Variants in AIDA observed in about 807,000 individuals in gnomAD.
The protein encoded by AIDA is axin interactor, dorsalization associated, also known as axin interactor, dorsalization-associated protein.
AIDA carries 18 observed loss-of-function variants against 42.7 expected under a neutral mutation model. The observed-to-expected ratio is 0.42, with a 90% CI of 0.29 to 0.63. AIDA has a LOEUF of 0.63. Among genes scored for constraint, AIDA ranks in the 20% least tolerant of loss-of-function variants. The probability of loss-of-function intolerance (pLI) is 0.19; values close to 1 mark genes in which losing one functional copy is unlikely to be tolerated. For missense variants in AIDA, 250 were observed against 354.1 expected (o/e 0.71, Z 2.36); for synonymous variants, 104 against 122.9 (o/e 0.85, Z 1.02).
intron 2 of AIDA, among the ~76,000 whole-genome samples, chr1:222,695,662 A>G (rs1175683398): frequency 6.8e-6 from 1 of 147,830 alleles, no homozygotes; most frequent in Non-Finnish European, 1.5e-5. Flanking sequence ...TAAGAAACAT[A>G]TATCAGGGCA....
chr1:222,710,798 C>G lies in AIDA; in HGVS notation c.110+1410G>C, dbSNP rs549381306. On this transcript the variant is annotated intron_variant, in intron 1 of 9. Transcript: ENST00000340020. ...CTGTTTAACCTGAGCTTCAGTTTTC[C>G]TCATTTCGTAAAATGAGAATAATTA... 2.3e-4 allele frequency among the ~76,000 whole-genome samples: 35 copies of G among 152,248 alleles called. No individual in the cohort carries two copies. The South Asian group carries it at 4.4e-3, about 19-fold the overall frequency.
At chr1:222,685,701 G>C (rs896998347) in intron 6 of AIDA, among the ~76,000 whole-genome samples, 1 of 152,142 alleles carries the variant, frequency 6.6e-6, no homozygotes, top group African/African-American at 2.4e-5. Flanking sequence ...CAGGGTGCTT[G>C]CCAAGGTTAT....
rs77767761 is a variant in AIDA, at chr1:222,672,275, C to G, written c.706+1038G>C. 1.5e-3 allele frequency among the ~76,000 whole-genome samples: 226 copies of G among 152,228 alleles called. 6 individuals are homozygous for G. The South Asian group carries it at 0.021, about 14-fold the overall frequency. On this transcript the variant is annotated intron_variant, in intron 8 of 9. Transcript: ENST00000340020. ...TAGAAAAGTTAGCCCATGAAACACTCCACCTTCTCCCGTCCACATCACAAA... is the reference window on the plus strand; with the variant it reads ...TAGAAAAGTTAGCCCATGAAACACTGCACCTTCTCCCGTCCACATCACAAA...
intron 6 of AIDA, among the ~76,000 whole-genome samples, chr1:222,682,088 G>A (rs1057501965): frequency 1.3e-5 from 2 of 152,228 alleles, no homozygotes; most frequent in Non-Finnish European, 2.9e-5. Context: ...GGGACTTGAA[G>A]TCAGTGAAAT....
At chr1:222,675,457 G>GA (rs772517045) in intron 7 of AIDA, among the ~76,000 whole-genome samples, 1 of 152,116 alleles carries the variant, frequency 6.6e-6, no homozygotes, top group African/African-American at 2.4e-5. Flanking sequence ...CTGGATAGGA[G>GA]AAAAAAACCA....
chr1:222,687,803 G>A, intron 4 of AIDA, 145 bp from the exon 5 acceptor site: 1 of 592,994 alleles, frequency 1.7e-6, no homozygotes, highest in Non-Finnish European at 2.6e-6. Flanking sequence ...GAGCTACACA[G>A]TACATTTGTC....
chr1:222,684,387 C>T (rs575532415), intron 6 of AIDA, among the ~76,000 whole-genome samples: 3 of 152,178 alleles, frequency 2.0e-5, no homozygotes, highest in Admixed American at 2.0e-4. Context: ...CTTGGAATTA[C>T]AGGCATGAGC....
At chr1:222,670,624 T>C (rs1207687445) in intron 8 of AIDA, among the ~76,000 whole-genome samples, 1 of 152,096 alleles carries the variant, frequency 6.6e-6, no homozygotes, top group Admixed American at 6.5e-5. Flanking sequence ...AGGTAGAAAA[T>C]GCATTTAAAA....
chr1:222,684,637 C>T (rs964978301), intron 6 of AIDA, among the ~76,000 whole-genome samples: 2 of 152,186 alleles, frequency 1.3e-5, no homozygotes, highest in African/African-American at 2.4e-5. Flanking sequence ...CATACATACT[C>T]TTTCTTTTAG....
At position 222,712,323 on chromosome 1, in the gene AIDA, G is replaced by A. The variant is rs1442741222; in HGVS notation, c.-6C>T. On this transcript the variant is annotated 5_prime_UTR_variant, in exon 1 of 10. Coordinates refer to ENST00000340020, the MANE Select transcript of AIDA (RefSeq NM_022831.4). Reference sequence around the variant, plus strand: ...CTCCGGGTCACCTCCGACATGGCCGGTCCCCACCCCGTCCCCTCCCGCCCC... The same window carrying A: ...CTCCGGGTCACCTCCGACATGGCCGATCCCCACCCCGTCCCCTCCCGCCCC... 1 of 1,547,014 alleles carries A rather than the reference G, an allele frequency of 6.5e-7. No homozygotes were observed. The highest frequency in any genetic ancestry group is 1.4e-5 in the African/African-American group (1 of 73,072).
At chr1:222,698,534 C>T (rs189003646) in intron 2 of AIDA, among the ~76,000 whole-genome samples, 5 of 150,908 alleles carry the variant, frequency 3.3e-5, no homozygotes, top group African/African-American at 7.3e-5. Context: ...TCACTGCAAC[C>T]TCTGCCTCCC....
At chr1:222,698,154 T>C (rs1655573899) in intron 2 of AIDA, among the ~76,000 whole-genome samples, 1 of 152,164 alleles carries the variant, frequency 6.6e-6, no homozygotes, top group Non-Finnish European at 1.5e-5. Flanking sequence ...GAACTAATCA[T>C]AAAAGAAGAC....
chr1:222,686,630 G>A (rs115664302), intron 6 of AIDA, among the ~76,000 whole-genome samples: 22 of 152,240 alleles, frequency 1.4e-4, no homozygotes, highest in Non-Finnish European at 2.5e-4. Flanking sequence ...TCTGTTTGCT[G>A]ATTTTGTTCT....
intron 2 of AIDA, among the ~76,000 whole-genome samples, chr1:222,694,785 A>G (rs1655468992): frequency 6.6e-6 from 1 of 152,238 alleles, no homozygotes; most frequent in African/African-American, 2.4e-5. Context: ...TAAAATGGAT[A>G]TTAATGATAG....
chr1:222,699,637 T>C (rs2378582), intron 2 of AIDA, among the ~76,000 whole-genome samples: 4,387 of 152,280 alleles, frequency 0.029, 215 homozygotes, highest in African/African-American at 0.099. Context: ...ACCTGGAAGA[T>C]CTGTTTTCTA....
intron 4 of AIDA, among the ~76,000 whole-genome samples, chr1:222,692,369 G>A (rs868083098): frequency 8.5e-5 from 13 of 152,090 alleles, no homozygotes; most frequent in Admixed American, 2.6e-4. Context: ...CTGCTCTCAC[G>A]GAGCACAGAC....
chr1:222,692,474 A>G (rs1655397774), intron 4 of AIDA, among the ~76,000 whole-genome samples: 1 of 152,198 alleles, frequency 6.6e-6, no homozygotes, highest in Non-Finnish European at 1.5e-5. Context: ...TTTTTGTGGT[A>G]GGCAAAATGG....
intron 2 of AIDA, among the ~76,000 whole-genome samples, chr1:222,698,373 T>G (rs1655579211): frequency 6.6e-6 from 1 of 151,884 alleles, no homozygotes. Context: ...AAAAACAGAA[T>G]TAATCGTCTT....
intron 8 of AIDA, among the ~76,000 whole-genome samples, chr1:222,671,758 G>T (rs904152502): frequency 6.6e-6 from 1 of 152,118 alleles, no homozygotes; most frequent in Non-Finnish European, 1.5e-5. Flanking sequence ...CACAAATGGT[G>T]GCTTCTCTTC....
Sources: gnomAD v4.1 joint callset for allele counts (sites outside exome capture counted in the v4.1 genomes callset) on GRCh38, gnomAD v4.1.1 for gene constraint, MANE v1.5 for transcripts, NCBI Gene and HGNC (gene_info 2026-07-23, HGNC 2026-07-21) for gene names.